The following CSMD1 variants were observed in gnomAD, a reference collection of about 807,000 sequenced individuals.
CSMD1 encodes the protein CUB and sushi domain-containing protein 1.
Under a neutral mutation model 417.5 loss-of-function variants are expected in CSMD1, and 213 were observed. The ratio of observed to expected loss-of-function variants is 0.51; its 90% CI spans 0.46 to 0.57. CSMD1 has a LOEUF of 0.57. Ranked by LOEUF, CSMD1 falls within the 20% of genes least tolerant of loss-of-function variation. CSMD1 has a pLI of 0.00. For missense variants in CSMD1, 6,923 were observed against 4,529.7 expected, an observed-to-expected ratio of 1.53 and a Z score of -15.17; for synonymous variants, 2,862 against 1,736.8, an observed-to-expected ratio of 1.65 and a Z score of -16.11.
intron 5 of CSMD1, among the ~76,000 whole-genome samples, chr8:3,983,646 A>T (rs2688392): frequency 2.0e-5 from 3 of 152,128 alleles, no homozygotes; most frequent in African/African-American, 7.2e-5. Context: ...GCCCACGTGT[A>T]TCATGATAGA....
At chr8:2,993,825 A>C (rs536866625) in intron 54 of CSMD1, among the ~76,000 whole-genome samples, 2 of 152,142 alleles carry the variant, frequency 1.3e-5, no homozygotes, top group South Asian at 4.2e-4. Context: ...CCCTGCATTG[A>C]AGAAAGCAGA....
At chr8:3,360,336 G>C (rs11774749) in intron 20 of CSMD1, among the ~76,000 whole-genome samples, 2 of 152,112 alleles carry the variant, frequency 1.3e-5, no homozygotes, top group South Asian at 4.1e-4. Context: ...TGTTTGCCAC[G>C]TTCTTTACAG....
At chr8:4,944,984 C>G (rs147175476) in intron 1 of CSMD1, among the ~76,000 whole-genome samples, 2 of 152,088 alleles carry the variant, frequency 1.3e-5, no homozygotes, top group Admixed American at 6.5e-5. Flanking sequence ...TCAAAACAGA[C>G]GAGAGGTGGA....
chr8:4,140,843 T>C (rs1253324646), intron 3 of CSMD1, among the ~76,000 whole-genome samples: 2 of 150,886 alleles, frequency 1.3e-5, no homozygotes, highest in African/African-American at 5.0e-5. Context: ...AGGTTTCAAA[T>C]CAAATCTCTG....
chr8:4,258,889 G>A (rs545751062), intron 3 of CSMD1, among the ~76,000 whole-genome samples: 2 of 152,294 alleles, frequency 1.3e-5, no homozygotes, highest in African/African-American at 4.8e-5. Context: ...GCCGTGCCAT[G>A]TGTTTTAAAC....
At chr8:3,815,092 T>C (rs1217504349) in intron 5 of CSMD1, among the ~76,000 whole-genome samples, 2 of 152,202 alleles carry the variant, frequency 1.3e-5, no homozygotes, top group African/African-American at 4.8e-5. Flanking sequence ...ATTTGAGCTG[T>C]ACATTTTTTC....
chr8:3,272,288 A>G (rs1193266440), intron 26 of CSMD1, among the ~76,000 whole-genome samples: 3 of 144,836 alleles, frequency 2.1e-5, no homozygotes, highest in South Asian at 2.3e-4. Context: ...CCATTGATCT[A>G]TATCTCTGTT....
rs544992801 is a variant in CSMD1 at position 4,043,711 on chromosome 8, C to A, written c.416-11612G>T. Among the ~76,000 whole-genome samples, 7 of 152,156 alleles carry A rather than the reference C, an allele frequency of 4.6e-5. No individual in the cohort carries two copies. In the East Asian group the frequency reaches 1.2e-3, roughly 25 times the overall value. Reference sequence around the variant, plus strand: ...GTGTTCTGAATTACACATTCAATTACCTTAAAATAAGATTTATTACTAATA... The same window carrying A: ...GTGTTCTGAATTACACATTCAATTAACTTAAAATAAGATTTATTACTAATA... On this transcript the variant is annotated intron_variant, in intron 3 of 69. Coordinates refer to ENST00000635120, the MANE Select transcript of CSMD1 (RefSeq NM_033225.6).
At chr8:3,281,017 C>G (rs1242582342) in intron 26 of CSMD1, among the ~76,000 whole-genome samples, 3 of 152,094 alleles carry the variant, frequency 2.0e-5, no homozygotes, top group African/African-American at 4.8e-5. Flanking sequence ...ATCCATGAAC[C>G]CTCTTCTTAG....
intron 15 of CSMD1, among the ~76,000 whole-genome samples, chr8:3,403,782 A>G (rs1042767440): frequency 6.6e-6 from 1 of 152,228 alleles, no homozygotes; most frequent in Non-Finnish European, 1.5e-5. Flanking sequence ...CCCTATCATT[A>G]GTATCATATC....
chr8:3,448,139 G>A (rs1218610189), intron 12 of CSMD1, among the ~76,000 whole-genome samples: 1 of 150,992 alleles, frequency 6.6e-6, no homozygotes, highest in Non-Finnish European at 1.5e-5. Flanking sequence ...CAATCCAAGT[G>A]AGGGATACAG....
At chr8:3,170,504 G>A (rs1002143974) in intron 37 of CSMD1, among the ~76,000 whole-genome samples, 12 of 152,280 alleles carry the variant, frequency 7.9e-5, no homozygotes, top group African/African-American at 2.4e-4. Context: ...CACCGTGCCC[G>A]GCCCGAGCTT....
intron 3 of CSMD1, among the ~76,000 whole-genome samples, chr8:4,075,397 AAT>A (rs1410629219): frequency 6.6e-6 from 1 of 152,182 alleles, no homozygotes; most frequent in African/African-American, 2.4e-5. Context: ...AAAAAACTCA[AAT>A]GTTATTTTTA....
intron 30 of CSMD1, among the ~76,000 whole-genome samples, chr8:3,209,502 G>C (rs1293992862): frequency 6.6e-6 from 1 of 151,824 alleles, no homozygotes; most frequent in East Asian, 1.9e-4. Flanking sequence ...TAATTTTTTA[G>C]TGGAAACGGG....
chr8:3,052,781 C>CTT lies in CSMD1; in HGVS notation c.7475-136_7475-135dup, dbSNP rs1360819917. ...TTGTGAATTATATTTCTTTTTTTTT[C>CTT]TTTCTTTTTTTTTTCTGGAGACAAG... is the stretch of plus-strand genomic sequence containing the variant. On this transcript the variant is annotated intron_variant, in intron 49 of 69. Transcript: ENST00000635120. The CTT allele has an allele frequency of 8.9e-4, 478 of 534,930 alleles. 2 individuals are homozygous for CTT. The highest frequency in any genetic ancestry group is 2.7e-3 in the Middle Eastern group (5 of 1,882). 33.1% of individuals were successfully genotyped at this position (534,930 alleles called of 1,614,324 possible).
At chr8:4,727,629 G>C (rs1347065889) in intron 1 of CSMD1, among the ~76,000 whole-genome samples, 1 of 152,040 alleles carries the variant, frequency 6.6e-6, no homozygotes, top group Admixed American at 6.6e-5. Flanking sequence ...ATATTTCCGT[G>C]ATCTGGTTCC....
intron 2 of CSMD1, among the ~76,000 whole-genome samples, chr8:4,539,626 C>T (rs1339070936): frequency 1.3e-5 from 2 of 152,136 alleles, no homozygotes; most frequent in Non-Finnish European, 2.9e-5. Flanking sequence ...TGATGTACCA[C>T]AGGTGGACTG....
chr8:4,564,159 G>C (rs566486093), intron 2 of CSMD1, among the ~76,000 whole-genome samples: 1 of 152,164 alleles, frequency 6.6e-6, no homozygotes, highest in Non-Finnish European at 1.5e-5. Context: ...AGGTTCAGAA[G>C]ATAATGGTCA....
At chr8:4,377,534 T>C (rs549555413) in intron 3 of CSMD1, among the ~76,000 whole-genome samples, 41 of 152,320 alleles carry the variant, frequency 2.7e-4, no homozygotes, top group South Asian at 1.2e-3. Flanking sequence ...AGAACTAATA[T>C]ATACTCAAAG....
Sources: gnomAD v4.1 joint callset for allele counts (sites outside exome capture counted in the v4.1 genomes callset) on GRCh38, gnomAD v4.1.1 for gene constraint, MANE v1.5 for transcripts, NCBI Gene and HGNC (gene_info 2026-07-23, HGNC 2026-07-21) for gene names.